The following LVRN variants were observed in gnomAD, a reference collection of about 807,000 sequenced individuals.
The protein encoded by LVRN is laeverin.
In LVRN, 99 loss-of-function variants were observed where a neutral mutation model predicts 111.4. The observed-to-expected ratio is 0.89, with a 90% CI of 0.76 to 1.05. The LOEUF (loss-of-function observed/expected upper bound fraction) is 1.05, where lower values mean the gene tolerates loss of function less well. LVRN is among the 50% of genes least tolerant of loss of function. The pLI, the probability that LVRN is intolerant of heterozygous loss-of-function variation, is 0.00. For synonymous variants in LVRN, 488 were observed against 449.5 expected, an observed-to-expected ratio of 1.09 and a Z score of -1.08; for missense variants, 1,414 against 1,206.8, an observed-to-expected ratio of 1.17 and a Z score of -2.54.
At chr5:115,979,839 C>T (rs911495113) in intron 1 of LVRN, among the ~76,000 whole-genome samples, 1 of 152,138 alleles carries the variant, frequency 6.6e-6, no homozygotes, top group African/African-American at 2.4e-5. Flanking sequence ...TGCTATTCAG[C>T]ACTTGTTAAG....
intron 18 of LVRN, chr5:116,020,032 G>A (rs1039983267): frequency 1.3e-5 from 2 of 152,268 alleles, no homozygotes; most frequent in Non-Finnish European, 2.9e-5. Context: ...GCTCCTTTCA[G>A]CCAGGCCCAG....
In LVRN at chr5:115,963,213, G is replaced by C. The variant is rs995524393; in HGVS notation, c.596G>C (p.Gly199Ala). Residue 199 changes from glycine (G) to alanine (A), a missense_variant, in exon 1 of 20, where the codon GGT becomes GCT. Coordinates refer to ENST00000357872, the MANE Select transcript of LVRN (RefSeq NM_173800.5). Reference protein sequence around the residue: ...VLELSEPLKPGSSYELQLSFS... With the variant: ...VLELSEPLKPASSYELQLSFS... Reference sequence around the variant, plus strand: ...GAGCTCAGTGAGCCCCTGAAACCTGGTAGCAGCTACGAGCTGCAGCTTAGC... The same window carrying C: ...GAGCTCAGTGAGCCCCTGAAACCTGCTAGCAGCTACGAGCTGCAGCTTAGC... 2 of 1,612,750 alleles carry C rather than the reference G, an allele frequency of 1.2e-6. No homozygotes were observed. The highest frequency in any genetic ancestry group is 1.3e-5 in the African/African-American group (1 of 74,932).
At chr5:115,966,087 A>G (rs181587566) in intron 1 of LVRN, among the ~76,000 whole-genome samples, 51 of 152,362 alleles carry the variant, frequency 3.3e-4, no homozygotes, top group Admixed American at 7.2e-4. Flanking sequence ...AGAATTTGAC[A>G]TTGGTACTAT....
At chr5:115,970,029 C>T (rs13154852) in intron 1 of LVRN, among the ~76,000 whole-genome samples, 34,517 of 151,758 alleles carry the variant, frequency 0.23, 4,767 homozygotes, top group Non-Finnish European at 0.31. Flanking sequence ...TTTGTTGCTT[C>T]TTTATATTTC....
At chr5:115,976,854 G>T (rs1164740130) in intron 1 of LVRN, among the ~76,000 whole-genome samples, 1 of 152,218 alleles carries the variant, frequency 6.6e-6, no homozygotes, top group East Asian at 1.9e-4. Context: ...AAGTTACTTG[G>T]TGATCCTGTT....
At chr5:116,012,583 A>G in intron 15 of LVRN, 115 bp downstream of exon 15, 1 of 647,846 alleles carries the variant, frequency 1.5e-6, no homozygotes, top group South Asian at 2.2e-5. Flanking sequence ...TTTATATGCT[A>G]TTATTATTTG....
chr5:116,020,175 T>G (rs1184994229), intron 18 of LVRN: 1 of 152,178 alleles, frequency 6.6e-6, no homozygotes, highest in Non-Finnish European at 1.5e-5. Flanking sequence ...GTGGGAAAAT[T>G]TAGTTAATTA....
rs370265545 is a variant in LVRN at position 116,015,336 on chromosome 5, T to G, written c.2535T>G (p.Thr845=). ...AAGAGTGGGACATCTTGTTAAATAC[T>G]TACACTAATACAACAAACAAAGAAG... ...SDKEWDILLN[T]YTNTTNKEEK... Residue 845 remains threonine (T), a synonymous_variant, in exon 17 of 20, where the codon ACT becomes ACG. Transcript: ENST00000357872. The G allele has an allele frequency of 4.3e-6, 7 of 1,612,466 alleles. No individual in the cohort carries two copies. The highest frequency in any genetic ancestry group is 5.1e-6 in the Non-Finnish European group (6 of 1,179,430).
chr5:115,968,661 G>T (rs909214053), intron 1 of LVRN, among the ~76,000 whole-genome samples: 1 of 152,106 alleles, frequency 6.6e-6, no homozygotes, highest in East Asian at 1.9e-4. Context: ...TTCTAATGCA[G>T]GGAGGAAGGT....
At chr5:115,969,404 T>C (rs775641442) in intron 1 of LVRN, among the ~76,000 whole-genome samples, 13 of 152,252 alleles carry the variant, frequency 8.5e-5, no homozygotes, top group Non-Finnish European at 1.8e-4. Flanking sequence ...TGTTTCATTT[T>C]GGATAGTTCC....
intron 11 of LVRN, 49 bp downstream of exon 11, chr5:116,002,960 G>C (rs575282492): frequency 9.9e-5 from 135 of 1,363,010 alleles, no homozygotes; most frequent in Non-Finnish European, 1.2e-4. Flanking sequence ...ATATGTAAAG[G>C]CAGGGAATAA....
intron 1 of LVRN, among the ~76,000 whole-genome samples, chr5:115,964,125 C>T (rs1320561785): frequency 2.0e-5 from 3 of 152,218 alleles, no homozygotes; most frequent in African/African-American, 7.2e-5. Context: ...CAATACTGTC[C>T]TCCGGCGAAC....
At chr5:116,003,425 C>T (rs1333059045) in intron 12 of LVRN, 45 bp downstream of exon 12, 1 of 1,216,394 alleles carries the variant, frequency 8.2e-7, no homozygotes, top group Non-Finnish European at 1.1e-6. Flanking sequence ...ATTTATAATG[C>T]CTTCTCTAGT....
At chr5:115,977,175 T>C (rs189544061) in intron 1 of LVRN, among the ~76,000 whole-genome samples, 1 of 152,320 alleles carries the variant, frequency 6.6e-6, no homozygotes, top group Non-Finnish European at 1.5e-5. Context: ...GGGAATCCTA[T>C]ACAGATTTCT....
chr5:115,992,006 G>T, intron 4 of LVRN, 117 bp from the exon 5 acceptor site: 2 of 967,692 alleles, frequency 2.1e-6, no homozygotes, highest in East Asian at 2.6e-5. Context: ...CTCCGTTCAG[G>T]TTATAAATAT....
chr5:115,982,463 G>A (rs796695421), intron 1 of LVRN, among the ~76,000 whole-genome samples: 1 of 152,124 alleles, frequency 6.6e-6, no homozygotes, highest in East Asian at 1.9e-4. Context: ...ATCTAAAGAC[G>A]GGTTCCCAGG....
intron 7 of LVRN, 131 bp downstream of exon 7, chr5:116,000,033 A>G (rs1748204911): frequency 3.9e-6 from 4 of 1,019,074 alleles, no homozygotes; most frequent in Admixed American, 5.8e-5. Context: ...AATTCAATAC[A>G]TAGGTATCAG....
chr5:116,011,803 A>G (rs1015633522), intron 14 of LVRN, among the ~76,000 whole-genome samples: 1 of 152,176 alleles, frequency 6.6e-6, no homozygotes, highest in Non-Finnish European at 1.5e-5. Context: ...TTTTCAAAGA[A>G]TTTCAATGAA....
chr5:116,000,349 C>G (rs375083821), intron 7 of LVRN, 84 bp from the exon 8 acceptor site: 1 of 1,542,562 alleles, frequency 6.5e-7, no homozygotes. Flanking sequence ...GAGCACAGCT[C>G]AGAATATTGC....
Sources: allele counts gnomAD v4.1 joint callset (sites outside exome capture counted in the v4.1 genomes callset), GRCh38; gene constraint gnomAD v4.1.1; transcripts MANE v1.5; gene names NCBI Gene and HGNC (gene_info 2026-07-23, HGNC 2026-07-21).